SGCZ: variants seen among roughly 807,000 people sequenced by gnomAD.
SGCZ encodes the protein sarcoglycan zeta, also known as zeta-sarcoglycan.
In SGCZ, 40 loss-of-function variants were observed where a neutral mutation model predicts 41.3. That is an observed-to-expected ratio of 0.97 (90% CI 0.75 to 1.26). The LOEUF (loss-of-function observed/expected upper bound fraction) is 1.26, where lower values mean the gene tolerates loss of function less well. Among genes scored for constraint, SGCZ ranks in the 50% most tolerant of loss-of-function variants. SGCZ has a pLI of 0.00. For missense variants in SGCZ, 552 were observed against 369.8 expected (o/e 1.49, Z -4.04); for synonymous variants, 206 against 137.5 (o/e 1.50, Z -3.49).
At chr8:14,318,393 G>C (rs948386763) in intron 3 of SGCZ, among the ~76,000 whole-genome samples, 9 of 151,702 alleles carry the variant, frequency 5.9e-5, no homozygotes, top group African/African-American at 2.2e-4. Flanking sequence ...CATAATACAA[G>C]TTTATGATAT....
In SGCZ at chr8:14,951,548, C is replaced by A. The variant is rs1473383129; in HGVS notation, c.39+286037G>T. On this transcript the variant is annotated intron_variant, in intron 1 of 7. Coordinates refer to ENST00000382080, the MANE Select transcript of SGCZ (RefSeq NM_139167.4). ...GCAGCTGTAATATGTCAAGAATTAT[C>A]TGATAAAAGTGAGTTTATCAAAATT... Among the ~76,000 whole-genome samples the A allele has an allele frequency of 4.6e-5, 7 of 151,972 alleles. No individual in the cohort carries two copies. The East Asian group carries it at 1.3e-3, about 29-fold the overall frequency.
chr8:14,153,386 C>A (rs1803770137), intron 5 of SGCZ, among the ~76,000 whole-genome samples: 1 of 152,132 alleles, frequency 6.6e-6, no homozygotes, highest in Non-Finnish European at 1.5e-5. Context: ...TGAGCTCCAG[C>A]CTACCTCTGA....
intron 1 of SGCZ, among the ~76,000 whole-genome samples, chr8:14,585,874 C>A (rs979509445): frequency 1.1e-4 from 16 of 152,192 alleles, no homozygotes; most frequent in African/African-American, 3.9e-4. Flanking sequence ...TAATAAATCA[C>A]CTTCAGTAAA....
chr8:14,289,184 T>C (rs1331054697), intron 3 of SGCZ, among the ~76,000 whole-genome samples: 4 of 150,774 alleles, frequency 2.7e-5, no homozygotes, highest in African/African-American at 9.7e-5. Context: ...TTTTATCAGA[T>C]ATATTAATTG....
intron 1 of SGCZ, among the ~76,000 whole-genome samples, chr8:14,988,270 A>G (rs184992152): frequency 6.6e-6 from 1 of 151,540 alleles, no homozygotes; most frequent in African/African-American, 2.4e-5. Context: ...TTCTAAAAAA[A>G]CTCTGAAAAC....
chr8:14,591,223 T>A (rs898569135), intron 1 of SGCZ, among the ~76,000 whole-genome samples: 1 of 151,932 alleles, frequency 6.6e-6, no homozygotes, highest in Non-Finnish European at 1.5e-5. Context: ...ATAAATTTGA[T>A]CCTTCTTTTT....
intron 1 of SGCZ, among the ~76,000 whole-genome samples, chr8:15,190,900 T>C (rs904880335): frequency 6.6e-6 from 1 of 152,076 alleles, no homozygotes; most frequent in Non-Finnish European, 1.5e-5. Flanking sequence ...ATACAGTTAG[T>C]TCTTCTGAGT....
rs184984114 is a variant in SGCZ, at chr8:14,129,070, G to C, written c.548-20835C>G. On this transcript the variant is annotated intron_variant, in intron 5 of 7. Transcript: ENST00000382080. ...ATGTAAAAAACCTTCTCTTGGGTCG[G>C]GCATGGTGGCTCATGCCTGTAATCC... Among the ~76,000 whole-genome samples the C allele has an allele frequency of 5.5e-3, 843 of 152,092 alleles. 6 individuals are homozygous for C. Among genetic ancestry groups the C allele is most frequent in the African/African-American group, 0.019 (803 of 41,510 alleles).
intron 2 of SGCZ, among the ~76,000 whole-genome samples, chr8:14,451,816 G>C (rs1563338424): frequency 6.6e-6 from 1 of 152,164 alleles, no homozygotes. Context: ...CCAAAGTCCA[G>C]AACACTGACA....
At chr8:14,975,861 C>G (rs1032478940) in intron 1 of SGCZ, among the ~76,000 whole-genome samples, 1 of 131,064 alleles carries the variant, frequency 7.6e-6, no homozygotes, top group African/African-American at 3.1e-5. Flanking sequence ...GCTTTAAAAT[C>G]AAGAAAAATT....
intron 1 of SGCZ, among the ~76,000 whole-genome samples, chr8:14,778,175 TC>T (rs1800472175): frequency 6.6e-6 from 1 of 152,074 alleles, no homozygotes. Flanking sequence ...CGATCCTCCC[TC>T]GATCTCCTAA....
intron 4 of SGCZ, among the ~76,000 whole-genome samples, chr8:14,165,706 TG>T (rs1804188109): frequency 6.6e-6 from 1 of 152,154 alleles, no homozygotes. Flanking sequence ...ATCACACATG[TG>T]GGGCATAGTT....
chr8:14,344,371 G>A (rs945584751), intron 2 of SGCZ, among the ~76,000 whole-genome samples: 1 of 151,904 alleles, frequency 6.6e-6, no homozygotes, highest in East Asian at 1.9e-4. Flanking sequence ...ATACAGTGTG[G>A]TAAGGCTAAT....
chr8:15,069,724 A>G (rs1805284167), intron 1 of SGCZ, among the ~76,000 whole-genome samples: 1 of 152,208 alleles, frequency 6.6e-6, no homozygotes, highest in Non-Finnish European at 1.5e-5. Context: ...TAATTAACAG[A>G]AAGCACTTAA....
At chr8:14,368,354 G>GA (rs1157940779) in intron 2 of SGCZ, among the ~76,000 whole-genome samples, 3 of 151,828 alleles carry the variant, frequency 2.0e-5, no homozygotes, top group African/African-American at 4.8e-5. Flanking sequence ...AGCGGTAAGA[G>GA]AAAAAAATGC....
At chr8:14,248,305 T>G (rs1034904747) in intron 3 of SGCZ, among the ~76,000 whole-genome samples, 2 of 152,182 alleles carry the variant, frequency 1.3e-5, no homozygotes, top group Middle Eastern at 3.2e-3. Flanking sequence ...CTTTTGAAAC[T>G]ACTGGCTACC....
chr8:15,083,914 C>T (rs1464604615), intron 1 of SGCZ, among the ~76,000 whole-genome samples: 3 of 152,114 alleles, frequency 2.0e-5, no homozygotes, highest in African/African-American at 7.2e-5. Flanking sequence ...AAGTTAAATT[C>T]TTCCCCATGT....
At chr8:14,615,869 T>C (rs1166672723) in intron 1 of SGCZ, among the ~76,000 whole-genome samples, 1 of 152,112 alleles carries the variant, frequency 6.6e-6, no homozygotes, top group African/African-American at 2.4e-5. Context: ...TCCCATTCAA[T>C]TCTATCCTGG....
chr8:14,642,337 C>A (rs910545509), intron 1 of SGCZ, among the ~76,000 whole-genome samples: 1 of 151,584 alleles, frequency 6.6e-6, no homozygotes, highest in African/African-American at 2.4e-5. Context: ...ACTATACCAT[C>A]TCCTTGTTAA....
Sources: allele counts gnomAD v4.1 joint callset (sites outside exome capture counted in the v4.1 genomes callset), GRCh38; gene constraint gnomAD v4.1.1; transcripts MANE v1.5; gene names NCBI Gene and HGNC (gene_info 2026-07-23, HGNC 2026-07-21).